KCNAB1: variants seen among roughly 807,000 people sequenced by gnomAD.
KCNAB1 encodes voltage-gated potassium channel subunit beta-1.
Under a neutral mutation model 64.6 loss-of-function variants are expected in KCNAB1, and 35 were observed. The observed-to-expected ratio is 0.54, with a 90% confidence interval of 0.41 to 0.72. The LOEUF (loss-of-function observed/expected upper bound fraction) is 0.72. KCNAB1 is among the 30% of genes least tolerant of loss of function. The probability of loss-of-function intolerance (pLI) is 0.00; values close to 1 mark genes in which losing one functional copy is unlikely to be tolerated. For missense variants in KCNAB1, 401 were observed against 512.9 expected (o/e 0.78, Z 2.11); for synonymous variants, 177 against 183.8 (o/e 0.96, Z 0.30).
intron 1 of KCNAB1, among the ~76,000 whole-genome samples, chr3:156,129,429 T>C (rs928391052): frequency 6.6e-6 from 1 of 152,206 alleles, no homozygotes; most frequent in Non-Finnish European, 1.5e-5. Flanking sequence ...TGTGCAGTTG[T>C]GGTATTAGCC....
chr3:156,340,886 CT>C (rs1421352675), intron 1 of KCNAB1, among the ~76,000 whole-genome samples: 3 of 152,182 alleles, frequency 2.0e-5, no homozygotes, highest in African/African-American at 7.2e-5. Flanking sequence ...GGCTATTCCA[CT>C]TTGTTGTTGT....
At chr3:156,310,690 G>A (rs540658005) in intron 1 of KCNAB1, among the ~76,000 whole-genome samples, 66 of 152,290 alleles carry the variant, frequency 4.3e-4, no homozygotes, top group African/African-American at 1.5e-3. Flanking sequence ...TGTATTCCCA[G>A]CTACTCGGGA....
At chr3:156,176,536 G>T in intron 1 of KCNAB1, 2 of 806,570 alleles carry the variant, frequency 2.5e-6, no homozygotes, top group South Asian at 1.3e-5. Context: ...ATGCTGGGAA[G>T]AGCATACTGC....
At chr3:156,333,961 C>T (rs1351915039) in intron 1 of KCNAB1, among the ~76,000 whole-genome samples, 1 of 151,822 alleles carries the variant, frequency 6.6e-6, no homozygotes, top group Non-Finnish European at 1.5e-5. Context: ...AAAAAATTAT[C>T]TTTTTAGATA....
chr3:156,251,685 C>T (rs529756373), intron 1 of KCNAB1, among the ~76,000 whole-genome samples: 12 of 152,118 alleles, frequency 7.9e-5, no homozygotes, highest in Admixed American at 5.9e-4. Context: ...CTCATTCATT[C>T]GGTAGCTTTA....
At chr3:156,532,220 G>A (rs1449649343) in intron 13 of KCNAB1, among the ~76,000 whole-genome samples, 1 of 152,160 alleles carries the variant, frequency 6.6e-6, no homozygotes, top group African/African-American at 2.4e-5. Context: ...ACTAGATGGG[G>A]CCTGCAGCCA....
intron 1 of KCNAB1, among the ~76,000 whole-genome samples, chr3:156,341,581 T>G (rs1696748641): frequency 6.6e-6 from 1 of 152,204 alleles, no homozygotes; most frequent in African/African-American, 2.4e-5. Flanking sequence ...ATTGTCCCTG[T>G]GGTCTGTGTC....
chr3:156,433,770 C>CTTGGGT (rs1483030141), intron 2 of KCNAB1, among the ~76,000 whole-genome samples: 1 of 152,154 alleles, frequency 6.6e-6, no homozygotes, highest in Non-Finnish European at 1.5e-5. Context: ...TTACTCCTCA[C>CTTGGGT]TTGGGTTTTG....
rs532778535 is a variant in KCNAB1, at chr3:156,168,171, C to T, written c.275+47285C>T. ...TGAGCTGAGATCATGCCACTGCACT[C>T]CAGCCTGGGTAAGAGAGTGAGATTC... is the stretch of plus-strand genomic sequence containing the variant. On this transcript the variant is annotated intron_variant, in intron 1 of 13. Transcript: ENST00000490337. Among the ~76,000 whole-genome samples the T allele has an allele frequency of 3.2e-4, 48 of 152,216 alleles. 1 individual carries two copies. The South Asian group carries it at 8.5e-3, about 27-fold the overall frequency.
intron 1 of KCNAB1, among the ~76,000 whole-genome samples, chr3:156,331,486 A>G (rs1723326566): frequency 6.6e-6 from 1 of 152,222 alleles, no homozygotes; most frequent in Admixed American, 6.5e-5. Context: ...TTCAATGTAA[A>G]AGAATACCCT....
intron 1 of KCNAB1, among the ~76,000 whole-genome samples, chr3:156,285,160 A>T (rs1720025398): frequency 2.6e-5 from 4 of 152,200 alleles, no homozygotes; most frequent in Admixed American, 1.3e-4. Flanking sequence ...AATATTAGTG[A>T]TATATAAAAT....
chr3:156,484,246 T>C (rs1170233820), intron 8 of KCNAB1, among the ~76,000 whole-genome samples: 1 of 152,120 alleles, frequency 6.6e-6, no homozygotes, highest in African/African-American at 2.4e-5. Context: ...AAAAACAAGG[T>C]GGGCCAAATG....
intron 1 of KCNAB1, among the ~76,000 whole-genome samples, chr3:156,413,912 TCTGA>T (rs1376970307): frequency 6.6e-5 from 10 of 152,208 alleles, no homozygotes; most frequent in Non-Finnish European, 1.5e-4. Flanking sequence ...TATATCGCAC[TCTGA>T]CTGCAGATGT....
intron 1 of KCNAB1, among the ~76,000 whole-genome samples, chr3:156,287,638 C>T (rs1720172732): frequency 1.3e-5 from 2 of 151,958 alleles, no homozygotes; most frequent in African/African-American, 4.8e-5. Context: ...ACCAGCCTGG[C>T]CAACATGGTG....
chr3:156,344,530 C>A (rs144637928), intron 1 of KCNAB1, among the ~76,000 whole-genome samples: 1 of 152,134 alleles, frequency 6.6e-6, no homozygotes, highest in Non-Finnish European at 1.5e-5. Context: ...TTTAAACAAG[C>A]CTTTACTAAA....
intron 1 of KCNAB1, chr3:156,143,021 C>A: frequency 7.5e-7 from 1 of 1,337,284 alleles, no homozygotes; most frequent in Non-Finnish European, 9.5e-7. Context: ...TAGGAGCCTG[C>A]TCGCCTACAA....
At chr3:156,435,394 G>A (rs925836481) in intron 2 of KCNAB1, among the ~76,000 whole-genome samples, 1 of 152,132 alleles carries the variant, frequency 6.6e-6, no homozygotes, top group African/African-American at 2.4e-5. Context: ...GGTCTATGAG[G>A]GACTAGAGAC....
At chr3:156,528,187 A>AAAAG (rs59586180) in intron 12 of KCNAB1, among the ~76,000 whole-genome samples, 9,878 of 151,156 alleles carry the variant, frequency 0.065, 417 homozygotes, top group Non-Finnish European at 0.092. Context: ...AAAAAAAAAA[A>AAAAG]AGAGAGAGAA....
chr3:156,179,385 A>T (rs977127018), intron 1 of KCNAB1, among the ~76,000 whole-genome samples: 5 of 152,128 alleles, frequency 3.3e-5, no homozygotes, highest in African/African-American at 4.8e-5. Context: ...AAAACAATTT[A>T]AAAATATTCT....
Sources: allele counts gnomAD v4.1 joint callset (sites outside exome capture counted in the v4.1 genomes callset), GRCh38; gene constraint gnomAD v4.1.1; transcripts MANE v1.5; gene names NCBI Gene and HGNC (gene_info 2026-07-23, HGNC 2026-07-21).